DAP3: variants seen among roughly 807,000 people sequenced by gnomAD.
The protein encoded by DAP3 is small ribosomal subunit protein mS29.
DAP3 carries 28 observed loss-of-function variants against 51.9 expected under a neutral mutation model. The ratio of observed to expected loss-of-function variants is 0.54; its 90% confidence interval spans 0.40 to 0.74. The LOEUF is 0.74. Among genes scored for constraint, DAP3 ranks in the 30% least tolerant of loss-of-function variants. The pLI is 0.00. For synonymous variants in DAP3, 170 were observed against 170.3 expected, an observed-to-expected ratio of 1.00 and a Z score of 0.01; for missense variants, 458 against 483.5, an observed-to-expected ratio of 0.95 and a Z score of 0.49.
chr1:155,702,151 TAAAAA>T (rs71080722), intron 1 of DAP3, among the ~76,000 whole-genome samples: 3 of 101,702 alleles, frequency 2.9e-5, no homozygotes, highest in African/African-American at 4.1e-5. Flanking sequence ...ATTCTGCCTA[TAAAAA>T]AAAAAAAAAA....
At chr1:155,715,867 G>A (rs117716659) in intron 2 of DAP3, among the ~76,000 whole-genome samples, 1 of 152,240 alleles carries the variant, frequency 6.6e-6, no homozygotes, top group East Asian at 1.9e-4. Context: ...TCACTTAGCT[G>A]TGTATTTGAC....
chr1:155,738,102 G>T, intron 12 of DAP3, 55 bp from the exon 13 acceptor site: 1 of 1,554,514 alleles, frequency 6.4e-7, no homozygotes. Context: ...ATATTCTGGG[G>T]AACACAGTGC....
chr1:155,718,507 A>AC lies in DAP3; in HGVS notation c.168+1383dup, dbSNP rs1355090011. 2.0e-5 allele frequency among the ~76,000 whole-genome samples: 3 copies of AC among 151,654 alleles called. No individual in the cohort carries two copies. In the South Asian group the frequency reaches 6.2e-4, roughly 32 times the overall value. On this transcript the variant is annotated intron_variant, in intron 3 of 12. Coordinates refer to ENST00000368336, the MANE Select transcript of DAP3 (RefSeq NM_004632.4). ...AGACCATCCTGGCTAACACAGTGAG[A>AC]CCCCATCTCTACTAAAAATACAAAA...
chr1:155,704,848 G>A (rs568672), intron 1 of DAP3, among the ~76,000 whole-genome samples: 9,760 of 152,008 alleles, frequency 0.064, 1,082 homozygotes, highest in African/African-American at 0.22. Flanking sequence ...GCGTGGTGGC[G>A]GGCGCCTGTA....
intron 6 of DAP3, 74 bp downstream of exon 6, chr1:155,726,093 ATTTTC>A (rs1306158184): frequency 8.3e-5 from 97 of 1,161,774 alleles, no homozygotes; most frequent in Middle Eastern, 2.1e-4. Flanking sequence ...TGCAGCTTTA[ATTTTC>A]TTTTCTTTTC....
At chr1:155,732,140 T>A in intron 11 of DAP3, 107 bp downstream of exon 11, 1 of 985,210 alleles carries the variant, frequency 1.0e-6, no homozygotes, top group South Asian at 1.8e-5. Flanking sequence ...TAGAGAAAAA[T>A]CATATTCCTG....
intron 1 of DAP3, among the ~76,000 whole-genome samples, chr1:155,691,684 C>T (rs1416457174): frequency 7.0e-6 from 1 of 141,914 alleles, no homozygotes; most frequent in Non-Finnish European, 1.5e-5. Context: ...GGCCTCACCG[C>T]TTAAAAAATC....
intron 1 of DAP3, among the ~76,000 whole-genome samples, chr1:155,707,273 C>T (rs1041965013): frequency 1.1e-4 from 17 of 151,694 alleles, no homozygotes; most frequent in South Asian, 2.1e-4. Flanking sequence ...ATTAGCGGGG[C>T]GTGGTGGTGG....
chr1:155,728,968 C>T, intron 7 of DAP3, 74 bp from the exon 8 acceptor site: 2 of 1,486,790 alleles, frequency 1.3e-6, no homozygotes. Context: ...AGCCTCCAAC[C>T]TTTTCAAGGG....
At chr1:155,719,839 A>C (rs569997294) in intron 3 of DAP3, among the ~76,000 whole-genome samples, 48 of 152,018 alleles carry the variant, frequency 3.2e-4, no homozygotes, top group African/African-American at 9.4e-4. Context: ...GAGCCACTGC[A>C]CTCGGCCAAA....
At position 155,738,203 on chromosome 1, in the gene DAP3, G is replaced by T. The variant is rs748588522; in HGVS notation, c.1158G>T (p.Ala386=). Residue 386 remains alanine, a synonymous_variant, in exon 13 of 13, where the codon GCG becomes GCT. Transcript: ENST00000368336. ...AAGAGCTGCTGTTCCTAAGTAACGC[G>T]AACCCCTCGCTGCTGGAGCGGCACT... is the stretch of plus-strand genomic sequence containing the variant. ...GKKELLFLSN[A]NPSLLERHCA... 1.2e-5 allele frequency: 20 copies of T among 1,614,090 alleles called. No individual in the cohort carries two copies. Among genetic ancestry groups the T allele is most frequent in the Non-Finnish European group, 1.5e-5 (18 of 1,180,054 alleles).
intron 1 of DAP3, among the ~76,000 whole-genome samples, chr1:155,703,381 G>C (rs1033681745): frequency 6.6e-6 from 1 of 152,194 alleles, no homozygotes; most frequent in African/African-American, 2.4e-5. Context: ...TAAATTATTA[G>C]ATCTTGTGAG....
chr1:155,716,878 C>G (rs142107923), intron 2 of DAP3, 128 bp from the exon 3 acceptor site: 104 of 1,290,204 alleles, frequency 8.1e-5, no homozygotes, highest in Non-Finnish European at 1.1e-4. Flanking sequence ...ACCTGGAAGG[C>G]GGAGGTTGTA....
At chr1:155,692,737 G>A (rs1468264512) in intron 1 of DAP3, among the ~76,000 whole-genome samples, 1 of 142,088 alleles carries the variant, frequency 7.0e-6, no homozygotes, top group Non-Finnish European at 1.5e-5. Flanking sequence ...AGCATTGTAT[G>A]AATGGGGAGT....
chr1:155,727,818 G>T, intron 7 of DAP3, 80 bp downstream of exon 7: 4 of 1,424,872 alleles, frequency 2.8e-6, no homozygotes, highest in Non-Finnish European at 3.8e-6. Flanking sequence ...AGACTATGGA[G>T]AACTGATACT....
intron 2 of DAP3, among the ~76,000 whole-genome samples, chr1:155,711,019 G>C (rs1426149077): frequency 1.3e-5 from 2 of 152,070 alleles, no homozygotes; most frequent in African/African-American, 4.8e-5. Context: ...TTTAATTACA[G>C]ATTAGATTTC....
At chr1:155,712,505 G>A (rs1409106058) in intron 2 of DAP3, among the ~76,000 whole-genome samples, 3 of 151,884 alleles carry the variant, frequency 2.0e-5, no homozygotes, top group Non-Finnish European at 4.4e-5. Context: ...CCAGCTACTC[G>A]GGAGGCTGAG....
At chr1:155,709,637 G>T in intron 1 of DAP3, 136 bp from the exon 2 acceptor site, 1 of 588,150 alleles carries the variant, frequency 1.7e-6, no homozygotes. Flanking sequence ...TTTTAATGAA[G>T]CTGTAGGCAT....
At chr1:155,726,726 A>G (rs1658641752) in intron 6 of DAP3, 2 of 150,958 alleles carry the variant, frequency 1.3e-5, no homozygotes, top group Admixed American at 6.7e-5. Flanking sequence ...AGGAGGCTGC[A>G]GTGAGCTGTG....
Sources: gnomAD v4.1 joint callset for allele counts (sites outside exome capture counted in the v4.1 genomes callset) on GRCh38, gnomAD v4.1.1 for gene constraint, MANE v1.5 for transcripts, NCBI Gene and HGNC (gene_info 2026-07-23, HGNC 2026-07-21) for gene names.